PRELID2: variants seen among roughly 807,000 people sequenced by gnomAD.
The protein encoded by PRELID2 is PRELI domain containing 2, also known as PRELI domain-containing protein 2.
A neutral mutation model predicts 28.4 loss-of-function variants in PRELID2; 25 were observed. The ratio of observed to expected loss-of-function variants is 0.88; its 90% CI spans 0.64 to 1.23. The LOEUF (loss-of-function observed/expected upper bound fraction) is 1.23, where lower values mean the gene tolerates loss of function less well. Ranked by LOEUF, PRELID2 falls within the 50% of genes most tolerant of loss-of-function variation. The probability of loss-of-function intolerance (pLI) is 0.00; values close to 1 mark genes in which losing one functional copy is unlikely to be tolerated. For missense variants in PRELID2, 201 were observed against 214.4 expected, an observed-to-expected ratio of 0.94 and a Z score of 0.39; for synonymous variants, 76 against 71.6, an observed-to-expected ratio of 1.06 and a Z score of -0.31.
At chr5:145,656,695 T>A (rs1383001697) in intron 1 of PRELID2, among the ~76,000 whole-genome samples, 1 of 135,474 alleles carries the variant, frequency 7.4e-6, no homozygotes, top group Non-Finnish European at 1.5e-5. Context: ...AGGTGGAAAT[T>A]GAACAATGAG....
At chr5:145,433,354 C>G in the PRELID2 span, among the ~76,000 whole-genome samples, 3 of 152,110 alleles carry the variant, frequency 2.0e-5, no homozygotes, top group African/African-American at 7.2e-5. Flanking sequence ...CAAAATTCAC[C>G]TTTGCTACCC....
chr5:145,711,487 C>G (rs553341940), intron 1 of PRELID2, among the ~76,000 whole-genome samples: 9 of 152,072 alleles, frequency 5.9e-5, no homozygotes, highest in African/African-American at 2.2e-4. Flanking sequence ...GCTAAGTGAG[C>G]GCTATCATGA....
At position 145,796,524 on chromosome 5, in the gene PRELID2, C is replaced by T; in HGVS notation, c.392G>A (p.Arg131Lys). ...AAATCCAACCCCTGTGATTGAAATCCTGCCTCTTTGAATGAACTCTGTCCT... is the reference window on the plus strand; with the variant it reads ...AAATCCAACCCCTGTGATTGAAATCTTGCCTCTTTGAATGAACTCTGTCCT... ...PNWTEFIQRG[R>K]ISITGVGFLN... The change falls in exon 5 of 7, where the codon AGG (arginine) becomes AAG (lysine). Residue 131 changes from arginine (R) to lysine (K), a missense_variant. By Grantham distance (26) the Arg-to-Lys change is conservative. Coordinates refer to ENST00000683046, the MANE Select transcript of PRELID2 (RefSeq NM_205846.3). 3 of 1,607,190 alleles carry T rather than the reference C, an allele frequency of 1.9e-6. No individual in the cohort carries two copies. Among genetic ancestry groups the T allele is most frequent in the Non-Finnish European group, 2.6e-6 (3 of 1,176,336 alleles).
the PRELID2 span, among the ~76,000 whole-genome samples, chr5:145,344,137 G>A: frequency 2.0e-5 from 3 of 151,920 alleles, no homozygotes; most frequent in Admixed American, 6.6e-5. Flanking sequence ...ACAGGAAAGT[G>A]TTCTCTTTCA....
At chr5:145,492,061 A>T (rs965597749) in intron 1 of PRELID2, among the ~76,000 whole-genome samples, 1 of 152,154 alleles carries the variant, frequency 6.6e-6, no homozygotes, top group Non-Finnish European at 1.5e-5. Context: ...CCAGTAGTGG[A>T]ATTGCTGGAT....
the PRELID2 span, among the ~76,000 whole-genome samples, chr5:145,259,387 AGGCCTTAAAATTAGCACCAGG>A: frequency 6.6e-6 from 1 of 152,194 alleles, no homozygotes; most frequent in African/African-American, 2.4e-5. Context: ...ACTCTAGATC[AGGCCTTAAAATTAGCACCAGG>A]GGCTGAACCC....
At chr5:145,453,288 G>GC in the PRELID2 span, among the ~76,000 whole-genome samples, 1 of 152,072 alleles carries the variant, frequency 6.6e-6, no homozygotes, top group Non-Finnish European at 1.5e-5. Context: ...GAAGGTGTTG[G>GC]CAAAATGGCT....
chr5:145,575,199 A>T (rs1753050369), intron 1 of PRELID2, among the ~76,000 whole-genome samples: 1 of 152,090 alleles, frequency 6.6e-6, no homozygotes, highest in Non-Finnish European at 1.5e-5. Context: ...CTGCCTCAAA[A>T]ACCCATGTCT....
intron 1 of PRELID2, among the ~76,000 whole-genome samples, chr5:145,520,603 C>A (rs1223332465): frequency 6.6e-6 from 1 of 152,200 alleles, no homozygotes; most frequent in African/African-American, 2.4e-5. Context: ...GGAACCTGCC[C>A]AGCCAGCCAC....
the PRELID2 span, chr5:145,441,239 A>C: frequency 6.6e-6 from 1 of 152,156 alleles, no homozygotes; most frequent in South Asian, 2.1e-4. Flanking sequence ...TTAGCACCTA[A>C]GGCCAACAAC....
chr5:145,268,839 G>A, the PRELID2 span, among the ~76,000 whole-genome samples: 1 of 151,972 alleles, frequency 6.6e-6, no homozygotes, highest in Non-Finnish European at 1.5e-5. Context: ...GTAAATTGAA[G>A]ATCATAGAAT....
chr5:145,547,603 T>C (rs1381985263), intron 1 of PRELID2, among the ~76,000 whole-genome samples: 1 of 151,464 alleles, frequency 6.6e-6, no homozygotes, highest in Non-Finnish European at 1.5e-5. Flanking sequence ...AAAAAAAAAG[T>C]GGGTACAAGT....
intron 1 of PRELID2, among the ~76,000 whole-genome samples, chr5:145,731,384 A>C (rs1461930609): frequency 6.6e-6 from 1 of 152,228 alleles, no homozygotes; most frequent in Non-Finnish European, 1.5e-5. Flanking sequence ...GAATCCAGTG[A>C]GTCCAATTTG....
chr5:145,762,563 G>C (rs992123192), intron 6 of PRELID2, among the ~76,000 whole-genome samples: 7 of 152,008 alleles, frequency 4.6e-5, no homozygotes, highest in Non-Finnish European at 8.8e-5. Flanking sequence ...ACAAAACACA[G>C]AACATGGGTA....
intron 1 of PRELID2, among the ~76,000 whole-genome samples, chr5:145,510,561 G>A (rs888055695): frequency 6.6e-6 from 1 of 152,184 alleles, no homozygotes; most frequent in African/African-American, 2.4e-5. Flanking sequence ...CATTTGATGT[G>A]AAGGGGAGGA....
chr5:145,661,586 A>G (rs1754493670), intron 1 of PRELID2, among the ~76,000 whole-genome samples: 1 of 151,086 alleles, frequency 6.6e-6, no homozygotes, highest in Non-Finnish European at 1.5e-5. Flanking sequence ...AACCAAAGGT[A>G]CTTCCTCCAC....
At chr5:145,491,629 T>A (rs1234665193) in intron 1 of PRELID2, among the ~76,000 whole-genome samples, 5 of 152,162 alleles carry the variant, frequency 3.3e-5, no homozygotes, top group African/African-American at 4.8e-5. Flanking sequence ...TATCATATTG[T>A]ACAATAGATC....
chr5:145,518,375 T>C (rs1175688855), intron 1 of PRELID2, among the ~76,000 whole-genome samples: 1 of 151,944 alleles, frequency 6.6e-6, no homozygotes, highest in Admixed American at 6.6e-5. Context: ...AATTTTTGTA[T>C]TTTTAGTAGA....
At chr5:145,301,949 T>TTTTTTTTTG in the PRELID2 span, among the ~76,000 whole-genome samples, 1 of 136,858 alleles carries the variant, frequency 7.3e-6, no homozygotes, top group Non-Finnish European at 1.6e-5. Context: ...TTTTTTTTTT[T>TTTTTTTTTG]GCTAACTCTG....
Sources: gnomAD v4.1 joint callset for allele counts (sites outside exome capture counted in the v4.1 genomes callset) on GRCh38, gnomAD v4.1.1 for gene constraint, MANE v1.5 for transcripts, NCBI Gene and HGNC (gene_info 2026-07-23, HGNC 2026-07-21) for gene names.